SH3PXD2A: variants seen among roughly 807,000 people sequenced by gnomAD.
The protein encoded by SH3PXD2A is SH3 and PX domains 2A, also known as SH3 and PX domain-containing protein 2A.
SH3PXD2A carries 32 observed loss-of-function variants against 115.2 expected under a neutral mutation model. The observed-to-expected ratio is 0.28, with a 90% CI of 0.21 to 0.37. The LOEUF (loss-of-function observed/expected upper bound fraction) is 0.37. SH3PXD2A is among the 10% of genes least tolerant of loss of function. SH3PXD2A has a pLI of 1.00. For synonymous variants in SH3PXD2A, 610 were observed against 629.1 expected (o/e 0.97, Z 0.45); for missense variants, 1,328 against 1,498.7 (o/e 0.89, Z 1.88).
At chr10:103,733,451 ATT>A (rs1476192804) in intron 4 of SH3PXD2A, among the ~76,000 whole-genome samples, 6 of 152,230 alleles carry the variant, frequency 3.9e-5, no homozygotes, top group African/African-American at 1.4e-4. Context: ...AGCTTTGCCC[ATT>A]TATTTAACTT....
chr10:103,743,189 A>G (rs553241425), intron 3 of SH3PXD2A, among the ~76,000 whole-genome samples: 1 of 151,958 alleles, frequency 6.6e-6, no homozygotes, highest in South Asian at 2.1e-4. Flanking sequence ...TCTTAAATGA[A>G]GGGCCCTGGG....
rs372312524 is a variant in SH3PXD2A at position 103,822,546 on chromosome 10, G to A, written c.73-21184C>T. Among the ~76,000 whole-genome samples, 199 of 151,794 alleles carry A rather than the reference G, an allele frequency of 1.3e-3. 1 individual carries two copies. In the Middle Eastern group the frequency reaches 0.031, roughly 23 times the overall value. ...TGCAGCACTCAGCCATGAGGGCATGGTGGGGGGGGAGCAGCACTTTCATGC... is the reference window on the plus strand; with the variant it reads ...TGCAGCACTCAGCCATGAGGGCATGATGGGGGGGGAGCAGCACTTTCATGC... On this transcript the variant is annotated intron_variant, in intron 1 of 14. Coordinates refer to ENST00000369774, the MANE Select transcript of SH3PXD2A (RefSeq NM_001394015.1).
chr10:103,766,520 T>TA (rs1362571778), intron 3 of SH3PXD2A, among the ~76,000 whole-genome samples: 2 of 151,918 alleles, frequency 1.3e-5, no homozygotes, highest in Non-Finnish European at 2.9e-5. Context: ...TGATAACAAA[T>TA]AAAAAAGCAC....
intron 9 of SH3PXD2A, among the ~76,000 whole-genome samples, chr10:103,623,237 C>A (rs1183852757): frequency 1.3e-5 from 2 of 151,830 alleles, no homozygotes; most frequent in Non-Finnish European, 1.5e-5. Context: ...CTCCTCCTCT[C>A]AGGCCACCCA....
At chr10:103,605,275 C>G (rs1223465355) in intron 14 of SH3PXD2A, among the ~76,000 whole-genome samples, 1 of 152,126 alleles carries the variant, frequency 6.6e-6, no homozygotes, top group Non-Finnish European at 1.5e-5. Context: ...GTCTACCTGC[C>G]TGGTCCACAT....
intron 3 of SH3PXD2A, chr10:103,736,680 T>A (rs2038384371): frequency 3.4e-6 from 3 of 890,464 alleles, no homozygotes; most frequent in Non-Finnish European, 4.8e-6. Context: ...CATCCACAAC[T>A]CGTTGTCCAT....
chr10:103,788,240 C>T (rs1056095076), intron 2 of SH3PXD2A, among the ~76,000 whole-genome samples: 12 of 152,146 alleles, frequency 7.9e-5, no homozygotes, highest in South Asian at 4.1e-4. Context: ...ACAGGCTCTG[C>T]GAGTACAGCC....
chr10:103,698,685 C>T (rs2037855447), intron 5 of SH3PXD2A, among the ~76,000 whole-genome samples: 1 of 152,134 alleles, frequency 6.6e-6, no homozygotes, highest in Non-Finnish European at 1.5e-5. Flanking sequence ...TCGCTGTAGG[C>T]AACCTCATTA....
At chr10:103,647,183 G>T (rs190792550) in intron 8 of SH3PXD2A, among the ~76,000 whole-genome samples, 1 of 152,138 alleles carries the variant, frequency 6.6e-6, no homozygotes, top group African/African-American at 2.4e-5. Flanking sequence ...CCCAGGAAGC[G>T]GGCAATACTG....
chr10:103,664,705 C>T (rs543203137), intron 7 of SH3PXD2A, among the ~76,000 whole-genome samples: 5 of 143,892 alleles, frequency 3.5e-5, no homozygotes, highest in African/African-American at 7.8e-5. Flanking sequence ...CTTGCTCTGT[C>T]GCCCAGGTTG....
At chr10:103,849,717 C>A (rs552561171) in intron 1 of SH3PXD2A, among the ~76,000 whole-genome samples, 1 of 152,192 alleles carries the variant, frequency 6.6e-6, no homozygotes, top group Non-Finnish European at 1.5e-5. Flanking sequence ...CTCTATTGGG[C>A]GCTTCCATTA....
intron 6 of SH3PXD2A, among the ~76,000 whole-genome samples, chr10:103,683,382 C>T (rs1439909059): frequency 6.6e-6 from 1 of 152,004 alleles, no homozygotes; most frequent in Non-Finnish European, 1.5e-5. Context: ...GGCATGGTGG[C>T]GGGTGCCTGT....
At chr10:103,695,392 C>T (rs1389734546) in intron 5 of SH3PXD2A, among the ~76,000 whole-genome samples, 4 of 151,984 alleles carry the variant, frequency 2.6e-5, no homozygotes, top group African/African-American at 9.7e-5. Context: ...CTTGTACTCC[C>T]AGCCACAAGG....
chr10:103,814,412 CA>C (rs938543588), intron 1 of SH3PXD2A, among the ~76,000 whole-genome samples: 34 of 152,180 alleles, frequency 2.2e-4, no homozygotes, highest in African/African-American at 8.2e-4. Context: ...AAAGGACTGT[CA>C]AAATGTGAAG....
At chr10:103,817,534 T>C (rs539704504) in intron 1 of SH3PXD2A, among the ~76,000 whole-genome samples, 4 of 152,182 alleles carry the variant, frequency 2.6e-5, no homozygotes, top group African/African-American at 9.6e-5. Context: ...AGAGACATGG[T>C]TTTGCCATGT....
At chr10:103,780,098 A>C (rs955004325) in intron 2 of SH3PXD2A, among the ~76,000 whole-genome samples, 2 of 152,188 alleles carry the variant, frequency 1.3e-5, no homozygotes, top group African/African-American at 4.8e-5. Context: ...TTCAGACTGA[A>C]ATCTGGGACA....
In SH3PXD2A at chr10:103,756,087, G is replaced by T. The variant is rs1466327958; in HGVS notation, c.229+11007C>A. Among the ~76,000 whole-genome samples the T allele has an allele frequency of 2.0e-5, 3 of 152,212 alleles. No individual in the cohort carries two copies. Among genetic ancestry groups the T allele is most frequent in the Non-Finnish European group, 4.4e-5 (3 of 68,036 alleles). On this transcript the variant is annotated intron_variant, in intron 3 of 14. Transcript: ENST00000369774. The surrounding 1 kb of genome is among the most constrained non-coding windows in gnomAD (Gnocchi z 4.4). The stretch of plus-strand genomic sequence containing the variant: ...GGGGCCAACTGTGGTCTGGAGGCTG[G>T]GCAGCCTGGCATCCTGGGGCCTCCT...
chr10:103,768,533 G>A (rs1327445711), intron 2 of SH3PXD2A, among the ~76,000 whole-genome samples: 1 of 152,240 alleles, frequency 6.6e-6, no homozygotes, highest in African/African-American at 2.4e-5. Flanking sequence ...AGGGCCTGGT[G>A]AGGCTGTGGT....
chr10:103,638,283 G>A (rs985082619), intron 8 of SH3PXD2A, among the ~76,000 whole-genome samples: 4 of 152,190 alleles, frequency 2.6e-5, no homozygotes, highest in Non-Finnish European at 5.9e-5. Flanking sequence ...AGGCTGCTAC[G>A]TCACCATTTG....
Sources: gnomAD v4.1 joint callset for allele counts (sites outside exome capture counted in the v4.1 genomes callset) on GRCh38, gnomAD v4.1.1 for gene constraint, Gnocchi (gnomAD v3.1) non-coding constraint, MANE v1.5 for transcripts, NCBI Gene and HGNC (gene_info 2026-07-23, HGNC 2026-07-21) for gene names.